LRRTM4: variants seen among roughly 807,000 people sequenced by gnomAD.
The protein encoded by LRRTM4 is leucine rich repeat transmembrane neuronal 4.
LRRTM4 carries 25 observed loss-of-function variants against 47.6 expected under a neutral mutation model. That is an observed-to-expected ratio of 0.53 (90% CI 0.38 to 0.73). The LOEUF is 0.73. Ranked by LOEUF, LRRTM4 falls within the 30% of genes least tolerant of loss-of-function variation. The probability of loss-of-function intolerance (pLI) is 0.00; values close to 1 mark genes in which losing one functional copy is unlikely to be tolerated. For missense variants in LRRTM4, 638 were observed against 713.4 expected, an observed-to-expected ratio of 0.89 and a Z score of 1.20; for synonymous variants, 311 against 269.5, an observed-to-expected ratio of 1.15 and a Z score of -1.51.
At chr2:77,151,689 T>C (rs1672435263) in intron 3 of LRRTM4, among the ~76,000 whole-genome samples, 1 of 152,148 alleles carries the variant, frequency 6.6e-6, no homozygotes, top group African/African-American at 2.4e-5. Flanking sequence ...AAAACAAAGA[T>C]TGCATTTCAT....
At chr2:77,196,286 A>G (rs938291213) in intron 3 of LRRTM4, among the ~76,000 whole-genome samples, 2 of 152,178 alleles carry the variant, frequency 1.3e-5, no homozygotes, top group African/African-American at 4.8e-5. Flanking sequence ...ATATCTATCT[A>G]TTCTTAAACA....
At chr2:77,257,443 T>TA (rs1283665345) in intron 3 of LRRTM4, among the ~76,000 whole-genome samples, 1 of 152,106 alleles carries the variant, frequency 6.6e-6, no homozygotes, top group Admixed American at 6.6e-5. Flanking sequence ...CACTGCCAGT[T>TA]AAAACCACTC....
chr2:77,238,944 T>C (rs778497690), intron 3 of LRRTM4, among the ~76,000 whole-genome samples: 4 of 151,914 alleles, frequency 2.6e-5, no homozygotes, highest in Non-Finnish European at 4.4e-5. Context: ...CTGTAAGAAA[T>C]GCTAAAGGAC....
chr2:77,399,361 C>T (rs1348108426), intron 3 of LRRTM4, among the ~76,000 whole-genome samples: 1 of 151,754 alleles, frequency 6.6e-6, no homozygotes, highest in Non-Finnish European at 1.5e-5. Flanking sequence ...AAAACGTACT[C>T]TCCGCAATTT....
chr2:77,239,744 T>C (rs1437763315), intron 3 of LRRTM4, among the ~76,000 whole-genome samples: 1 of 151,836 alleles, frequency 6.6e-6, no homozygotes, highest in Non-Finnish European at 1.5e-5. Flanking sequence ...CACCTAATAG[T>C]AGTGCTTTGA....
At chr2:76,768,245 T>C (rs545531428) in intron 3 of LRRTM4, among the ~76,000 whole-genome samples, 2 of 152,326 alleles carry the variant, frequency 1.3e-5, no homozygotes, top group South Asian at 4.1e-4. Flanking sequence ...GAAAAGTATA[T>C]TGGTTTCTTT....
At chr2:77,518,183 C>T (rs898109277) in intron 3 of LRRTM4, 135 bp downstream of exon 3, 1 of 1,326,930 alleles carries the variant, frequency 7.5e-7, no homozygotes, top group Non-Finnish European at 9.6e-7. Flanking sequence ...AATTAAGTAA[C>T]CTTTCACACT....
intron 3 of LRRTM4, among the ~76,000 whole-genome samples, chr2:76,986,724 G>A (rs1412201984): frequency 6.6e-6 from 1 of 151,870 alleles, no homozygotes; most frequent in Non-Finnish European, 1.5e-5. Flanking sequence ...AGAAAATGAG[G>A]TAGATCTCTA....
chr2:77,399,410 T>G (rs916798644), intron 3 of LRRTM4, among the ~76,000 whole-genome samples: 1 of 151,782 alleles, frequency 6.6e-6, no homozygotes, highest in Admixed American at 6.6e-5. Context: ...CTCACTTGTA[T>G]GTGGAATCTA....
intron 3 of LRRTM4, among the ~76,000 whole-genome samples, chr2:77,484,507 T>G (rs1432058257): frequency 6.6e-6 from 1 of 152,230 alleles, no homozygotes; most frequent in Non-Finnish European, 1.5e-5. Flanking sequence ...GTCTGTGGTA[T>G]GGGGACTTTC....
At chr2:77,013,749 T>C (rs1677958559) in intron 3 of LRRTM4, among the ~76,000 whole-genome samples, 3 of 152,176 alleles carry the variant, frequency 2.0e-5, no homozygotes, top group Admixed American at 2.0e-4. Context: ...AGCAAAATCC[T>C]GTGTAAAGGG....
At chr2:76,943,896 T>A (rs989566137) in intron 3 of LRRTM4, among the ~76,000 whole-genome samples, 18 of 152,204 alleles carry the variant, frequency 1.2e-4, no homozygotes, top group African/African-American at 4.3e-4. Flanking sequence ...TCATCTTGTG[T>A]ATCTGGCCAT....
intron 3 of LRRTM4, among the ~76,000 whole-genome samples, chr2:77,316,625 G>T (rs2104213297): frequency 6.6e-6 from 1 of 150,756 alleles, no homozygotes; most frequent in Non-Finnish European, 1.5e-5. Flanking sequence ...CCAGCTCATT[G>T]CAACCCCTGC....
chr2:77,313,356 G>A (rs778593070), intron 3 of LRRTM4, among the ~76,000 whole-genome samples: 101 of 80,390 alleles, frequency 1.3e-3, no homozygotes, highest in African/African-American at 8.9e-3. Flanking sequence ...GTGCTGGGAT[G>A]TGCCTCCCTA....
chr2:76,815,809 CAT>C (rs1670880265), intron 3 of LRRTM4, among the ~76,000 whole-genome samples: 2 of 151,974 alleles, frequency 1.3e-5, no homozygotes, highest in East Asian at 1.9e-4. Context: ...TAAAACAAAA[CAT>C]AAAGGAATAC....
intron 3 of LRRTM4, among the ~76,000 whole-genome samples, chr2:76,904,137 A>G (rs918096722): frequency 1.3e-5 from 2 of 152,232 alleles, no homozygotes; most frequent in African/African-American, 2.4e-5. Flanking sequence ...TTCATGAAGC[A>G]TAGTATAATT....
chr2:76,873,520 A>ACATATATATATATATATATG (rs764805070), intron 3 of LRRTM4, among the ~76,000 whole-genome samples: 17,175 of 143,434 alleles, frequency 0.12, 1,406 homozygotes, highest in Admixed American at 0.18. Flanking sequence ...ATATATATAT[A>ACATATATATATATATATATG]TATATATATA....
At chr2:76,767,148 C>A (rs925358908) in intron 3 of LRRTM4, among the ~76,000 whole-genome samples, 1 of 152,194 alleles carries the variant, frequency 6.6e-6, no homozygotes, top group African/African-American at 2.4e-5. Flanking sequence ...CTATTAAATT[C>A]TCTTTTTATT....
At chr2:76,786,575 A>C (rs556900993) in intron 3 of LRRTM4, among the ~76,000 whole-genome samples, 1 of 152,058 alleles carries the variant, frequency 6.6e-6, no homozygotes, top group Non-Finnish European at 1.5e-5. Flanking sequence ...TTTTACCTAC[A>C]TTAACAAACA....
Sources: gnomAD v4.1 joint callset for allele counts (sites outside exome capture counted in the v4.1 genomes callset) on GRCh38, gnomAD v4.1.1 for gene constraint, MANE v1.5 for transcripts, NCBI Gene and HGNC (gene_info 2026-07-23, HGNC 2026-07-21) for gene names.